Variants in CEP295 observed in about 807,000 individuals in gnomAD.
The protein encoded by CEP295 is centrosomal protein of 295 kDa.
Under a neutral mutation model 291.6 loss-of-function variants are expected in CEP295, and 190 were observed. That is an observed-to-expected ratio of 0.65 (90% confidence interval 0.58 to 0.73). The LOEUF is 0.73. CEP295 is among the 30% of genes least tolerant of loss of function. CEP295 has a pLI of 0.00. For missense variants in CEP295, 2,863 were observed against 2,949.4 expected, an observed-to-expected ratio of 0.97 and a Z score of 0.68; for synonymous variants, 993 against 1,038.8, an observed-to-expected ratio of 0.96 and a Z score of 0.85.
At chr11:93,721,461 G>A (rs372123432) in intron 19 of CEP295, 49 bp downstream of exon 19, 15 of 1,153,636 alleles carry the variant, frequency 1.3e-5, no homozygotes, top group East Asian at 2.3e-5. Context: ...GTTTGGCTTC[G>A]TATTCTCTTT....
At chr11:93,674,291 C>T (rs1056053724) in intron 5 of CEP295, among the ~76,000 whole-genome samples, 2 of 152,148 alleles carry the variant, frequency 1.3e-5, no homozygotes, top group African/African-American at 4.8e-5. Flanking sequence ...TGTTTCTGTT[C>T]ACTTGAGTCC....
intron 13 of CEP295, 146 bp from the exon 14 acceptor site, chr11:93,696,174 T>G: frequency 5.1e-6 from 3 of 586,938 alleles, no homozygotes; most frequent in South Asian, 2.2e-5. Context: ...AATGACAGAT[T>G]AGTTCATTTC....
chr11:93,696,301 T>C lies in CEP295; in HGVS notation c.1672-19T>C, dbSNP rs561325711. 1,055 of 1,485,040 alleles carry C rather than the reference T, an allele frequency of 7.1e-4. 18 individuals carry two copies. In the South Asian group the frequency reaches 0.013, roughly 18 times the overall value. The allele number at this position is 1,485,040 out of a possible 1,614,324, so 92.0% of individuals were successfully genotyped here. ...ACTTCTAAATTTGCTTTTTAATTAG[T>C]AACTTTGTCTTTTATTAGGTTGGCA... On this transcript the variant is annotated intron_variant, in intron 13 of 29. Coordinates refer to ENST00000325212, the MANE Select transcript of CEP295 (RefSeq NM_033395.2).
intron 3 of CEP295, among the ~76,000 whole-genome samples, chr11:93,668,145 A>G (rs1404129314): frequency 6.6e-6 from 1 of 152,052 alleles, no homozygotes; most frequent in African/African-American, 2.4e-5. Context: ...GGTGGGGTGA[A>G]TTCAACCCCC....
At position 93,697,394 on chromosome 11, in the gene CEP295, CA is replaced by C; in HGVS notation, c.2485del (p.Met829CysfsTer19). ...TVSTSHSIISQMHDRPLLPSE... is the reference protein window; with the variant it reads ...TVSTSHSIISXMHDRPLLPSE... ...TTCCACAAGCCATTCTATAATCAGC[CA>C]AATGCATGATAGGCCTTTGCTGCCG... On this transcript the variant is annotated frameshift_variant, in exon 15 of 30. Coordinates refer to ENST00000325212, the MANE Select transcript of CEP295 (RefSeq NM_033395.2). LOFTEE classifies it high-confidence loss of function. 13 of 1,552,108 alleles carry C rather than the reference CA, an allele frequency of 8.4e-6. No individual in the cohort carries two copies. The highest frequency in any genetic ancestry group is 1.0e-5 in the Non-Finnish European group (12 of 1,147,076).
At chr11:93,713,177 A>G (rs1249403228) in intron 18 of CEP295, among the ~76,000 whole-genome samples, 4 of 152,074 alleles carry the variant, frequency 2.6e-5, no homozygotes, top group Admixed American at 2.6e-4. Context: ...AAAGTCGTAC[A>G]TATTATTTTT....
At chr11:93,687,968 C>T in intron 10 of CEP295, 103 bp downstream of exon 10, 1 of 685,896 alleles carries the variant, frequency 1.5e-6, no homozygotes, top group Non-Finnish European at 2.3e-6. Flanking sequence ...AGGAACAAAA[C>T]ATAATCCTGC....
At chr11:93,665,099 G>C (rs2134757400) in intron 1 of CEP295, among the ~76,000 whole-genome samples, 1 of 152,306 alleles carries the variant, frequency 6.6e-6, no homozygotes, top group Admixed American at 6.5e-5. Context: ...CGTAGAGGAA[G>C]GAGGGCTTAA....
In CEP295 at chr11:93,729,941, C is replaced by T; in HGVS notation, c.7639C>T (p.Gln2547Ter). ...ASFPEDRKTT[Q>*]ALRHQRGLRL... ...TTTTCCTGAAGACAGAAAGACTACA[C>T]AGGCTCTAAGGCACCAAAGGGGTCT... Residue 2547 changes from glutamine to a stop codon, truncating the protein, a stop_gained, in exon 28 of 30, where the codon CAG (glutamine) becomes TAG (stop). Transcript: ENST00000325212. LOFTEE classifies it high-confidence loss of function. 6.5e-7 allele frequency: 1 copy of T among 1,548,138 alleles called. No individual in the cohort carries two copies. Among genetic ancestry groups the T allele is most frequent in the Non-Finnish European group, 8.7e-7 (1 of 1,146,154 alleles).
At position 93,718,040 on chromosome 11, in the gene CEP295, T is replaced by G. The variant is rs148727831; in HGVS notation, c.5750-3272T>G. ...GATCCTCCCACCTCAGCCTCCCGAGTAGCTAGGACTACAGGCATGCACCAC... is the reference window on the plus strand; with the variant it reads ...GATCCTCCCACCTCAGCCTCCCGAGGAGCTAGGACTACAGGCATGCACCAC... On this transcript the variant is annotated intron_variant, in intron 18 of 29. Coordinates refer to ENST00000325212, the MANE Select transcript of CEP295 (RefSeq NM_033395.2). Among the ~76,000 whole-genome samples, 1,050 of 152,238 alleles carry G rather than the reference T, an allele frequency of 6.9e-3. 14 individuals are homozygous for G. Among genetic ancestry groups the G allele is most frequent in the African/African-American group, 0.024 (996 of 41,542 alleles).
intron 7 of CEP295, among the ~76,000 whole-genome samples, chr11:93,683,008 C>T (rs1364198105): frequency 2.0e-5 from 3 of 152,192 alleles, no homozygotes; most frequent in Admixed American, 1.3e-4. Flanking sequence ...ACTGATTAAA[C>T]TTTCATATTA....
At chr11:93,720,131 G>C (rs1953588679) in intron 18 of CEP295, among the ~76,000 whole-genome samples, 1 of 151,930 alleles carries the variant, frequency 6.6e-6, no homozygotes, top group South Asian at 2.1e-4. Context: ...GCTAAGGCAG[G>C]AGGATCACTT....
Position 93,727,629 on chromosome 11 carries a change from C to G in CEP295, c.7153C>G (p.Pro2385Ala). 2.0e-6 allele frequency: 3 copies of G among 1,535,608 alleles called. No homozygotes were observed. ...ATCATTTTCATTACAGAGCTCTATA[C>G]CAGTCTGGGTAAGTGAAATCAGTGT... ...SGSFSLQSSI[P>A]VWETETGHGI... is the part of the protein sequence containing the mutation. The change falls in exon 24 of 30, where the codon CCA becomes GCA. Residue 2385 changes from proline (P) to alanine (A), a missense_variant. Coordinates refer to ENST00000325212, the MANE Select transcript of CEP295 (RefSeq NM_033395.2).
chr11:93,720,474 A>AC, intron 18 of CEP295, among the ~76,000 whole-genome samples: 2 of 104,896 alleles, frequency 1.9e-5, no homozygotes, highest in African/African-American at 3.9e-5. Flanking sequence ...AGTCTGCCTC[A>AC]AAAAAAAAAA....
intron 12 of CEP295, among the ~76,000 whole-genome samples, chr11:93,693,552 T>A (rs995983575): frequency 6.6e-6 from 1 of 152,102 alleles, no homozygotes; most frequent in African/African-American, 2.4e-5. Context: ...GGTCAGGAGT[T>A]TGAGACCAGC....
chr11:93,728,655 G>C (rs1264377850), intron 24 of CEP295, 26 bp from the exon 25 acceptor site: 9 of 1,508,838 alleles, frequency 6.0e-6, no homozygotes, highest in Admixed American at 2.5e-5. Context: ...TTTTGACATG[G>C]TTTTCCTTTT....
rs568449243 is a variant in CEP295 at position 93,672,892 on chromosome 11, A to G, written c.529-2679A>G. On this transcript the variant is annotated intron_variant, in intron 5 of 29. Coordinates refer to ENST00000325212, the MANE Select transcript of CEP295 (RefSeq NM_033395.2). ...AAATCCCAATTTTGGGAGGATTCCA[A>G]ATTCAATCTATACATAATTGCCTTT... Among the ~76,000 whole-genome samples, 6 of 152,306 alleles carry G rather than the reference A, an allele frequency of 3.9e-5. No homozygotes were observed. The East Asian group carries it at 1.2e-3, about 29-fold the overall frequency.
At chr11:93,703,022 G>C (rs1196459173) in intron 17 of CEP295, 103 bp downstream of exon 17, 11 of 932,402 alleles carry the variant, frequency 1.2e-5, no homozygotes, top group Non-Finnish European at 1.7e-5. Flanking sequence ...GGAATGCAAT[G>C]GTGTGATCTC....
In CEP295 at chr11:93,698,858, T is replaced by C. The variant is rs1423171040; in HGVS notation, c.3946T>C (p.Phe1316Leu). 1.3e-6 allele frequency: 2 copies of C among 1,551,756 alleles called. No homozygotes were observed. The highest frequency in any genetic ancestry group is 4.9e-5 in the East Asian group (2 of 40,918). ...GTCTGGCACAATCCTGGAACCTCTT[T>C]TTACAGAGAGTGAAAGTAAAATTTT... Reference protein sequence around the residue: ...AESGTILEPLFTESESKIFSS... With the variant: ...AESGTILEPLLTESESKIFSS... The change falls in exon 15 of 30, where the codon TTT becomes CTT. Residue 1316 changes from phenylalanine (F) to leucine (L), a missense_variant. Around this residue, in one of 3 missense-constraint regions of CEP295, gnomAD observed 2,295 missense variants for 2,335.7 expected, o/e 0.98. Transcript: ENST00000325212.
Sources: allele counts gnomAD v4.1 joint callset (sites outside exome capture counted in the v4.1 genomes callset), GRCh38; gene constraint gnomAD v4.1.1; regional missense constraint gnomAD v4.1.1; transcripts MANE v1.5; gene names NCBI Gene and HGNC (gene_info 2026-07-23, HGNC 2026-07-21).